TUT4: variants seen among roughly 807,000 people sequenced by gnomAD.
TUT4 encodes the protein terminal uridylyltransferase 4.
In TUT4, 36 loss-of-function variants were observed where a neutral mutation model predicts 192.2. That is an observed-to-expected ratio of 0.19 (90% CI 0.14 to 0.25). TUT4 has a LOEUF of 0.25. Among genes scored for constraint, TUT4 ranks in the 10% least tolerant of loss-of-function variants. TUT4 has a pLI of 1.00. For synonymous variants in TUT4, 618 were observed against 666.0 expected (o/e 0.93, Z 1.11); for missense variants, 1,493 against 1,957.2 (o/e 0.76, Z 4.47).
intron 9 of TUT4, among the ~76,000 whole-genome samples, chr1:52,482,179 T>C (rs935650759): frequency 6.6e-6 from 1 of 152,208 alleles, no homozygotes; most frequent in African/African-American, 2.4e-5. Context: ...TATTTTACTG[T>C]GGACACATTT....
At chr1:52,521,840 T>C (rs971890086) in intron 2 of TUT4, among the ~76,000 whole-genome samples, 5 of 151,770 alleles carry the variant, frequency 3.3e-5, no homozygotes, top group African/African-American at 1.2e-4. Flanking sequence ...GGCATGCACC[T>C]GTAAATCCCA....
chr1:52,544,287 C>CAA (rs34094471), intron 1 of TUT4, among the ~76,000 whole-genome samples: 13 of 102,996 alleles, frequency 1.3e-4, no homozygotes, highest in Admixed American at 5.2e-4. Context: ...GACTCCATTT[C>CAA]AAAAAAAAAA....
chr1:52,499,197 G>A (rs11205965), intron 4 of TUT4, among the ~76,000 whole-genome samples: 4,236 of 151,254 alleles, frequency 0.028, 138 homozygotes, highest in African/African-American at 0.079. Context: ...TCAGGAGTTC[G>A]AGACCAGACA....
intron 1 of TUT4, among the ~76,000 whole-genome samples, chr1:52,548,586 C>A (rs550040840): frequency 6.6e-6 from 1 of 152,228 alleles, no homozygotes; most frequent in East Asian, 1.9e-4. Flanking sequence ...GGACTTTTCC[C>A]ATCTATAAAT....
chr1:52,425,260 T>C, intron 29 of TUT4, 89 bp downstream of exon 29: 1 of 1,448,796 alleles, frequency 6.9e-7, no homozygotes, highest in South Asian at 1.4e-5. Context: ...TTCATGAATT[T>C]TCACTCCCAG....
intron 12 of TUT4, among the ~76,000 whole-genome samples, chr1:52,477,253 A>G (rs1570729990): frequency 6.6e-6 from 1 of 152,176 alleles, no homozygotes; most frequent in Admixed American, 6.5e-5. Flanking sequence ...CTATAAAACT[A>G]TAATAGACTT....
chr1:52,527,527 G>A lies in TUT4; in HGVS notation c.-93-1154C>T, dbSNP rs12090504. Among the ~76,000 whole-genome samples the A allele has an allele frequency of 8.4e-3, 1,276 of 152,168 alleles. 18 individuals carry two copies. The highest frequency in any genetic ancestry group is 0.029 in the African/African-American group (1,220 of 41,518). ...AGATCGCACCACTGCACTCCAGCCT[G>A]GGCCACAGAGTAAGACTCTGTCTCA... On this transcript the variant is annotated intron_variant, in intron 1 of 29. Coordinates refer to ENST00000257177, the MANE Select transcript of TUT4 (RefSeq NM_001009881.3).
chr1:52,476,433 C>T (rs982801202), intron 12 of TUT4, among the ~76,000 whole-genome samples: 1 of 152,102 alleles, frequency 6.6e-6, no homozygotes, highest in Admixed American at 6.6e-5. Context: ...CTGAAAATAT[C>T]TGTAAGCCTT....
At chr1:52,535,906 A>G (rs1684777700) in intron 1 of TUT4, among the ~76,000 whole-genome samples, 1 of 152,244 alleles carries the variant, frequency 6.6e-6, no homozygotes, top group Non-Finnish European at 1.5e-5. Context: ...TTCTCTAGCC[A>G]GTAAAACCGC....
intron 12 of TUT4, among the ~76,000 whole-genome samples, chr1:52,476,510 CT>C (rs1180798857): frequency 2.0e-5 from 3 of 152,140 alleles, no homozygotes; most frequent in East Asian, 3.9e-4. Context: ...CTCTCCACTA[CT>C]GAAGATCTTT....
chr1:52,521,144 C>T (rs1680161257), intron 2 of TUT4, among the ~76,000 whole-genome samples: 1 of 152,080 alleles, frequency 6.6e-6, no homozygotes, highest in Non-Finnish European at 1.5e-5. Flanking sequence ...TGTTTCATCC[C>T]ACTAGAAGAT....
chr1:52,510,911 A>G (rs906587677), intron 3 of TUT4, among the ~76,000 whole-genome samples: 1 of 152,244 alleles, frequency 6.6e-6, no homozygotes, highest in African/African-American at 2.4e-5. Context: ...ATAAAAAATT[A>G]CAAACACACA....
chr1:52,497,093 T>G lies in TUT4; in HGVS notation c.1090A>C (p.Lys364Gln), dbSNP rs1393843767. 2 of 1,613,950 alleles carry G rather than the reference T, an allele frequency of 1.2e-6. No individual in the cohort carries two copies. The highest frequency in any genetic ancestry group is 1.7e-6 in the Non-Finnish European group (2 of 1,179,956). The change falls in exon 5 of 30, where the codon AAA (lysine) becomes CAA (glutamine). Residue 364 changes from lysine to glutamine, a missense_variant. Around this residue, in one of 7 missense-constraint regions of TUT4, gnomAD observed 437 missense variants for 577.6 expected, o/e 0.76. Coordinates refer to ENST00000257177, the MANE Select transcript of TUT4 (RefSeq NM_001009881.3). ...TCATCATCTGTTATTCCATGTTCTT[T>G]TGCTAATTCAATGACTGCAACACTT... ...ALSVAVIELAKEHGITDDDLR... is the reference protein window; with the variant it reads ...ALSVAVIELAQEHGITDDDLR...
chr1:52,432,136 C>A (rs1652288709), intron 27 of TUT4: 1 of 152,188 alleles, frequency 6.6e-6, no homozygotes, highest in Non-Finnish European at 1.5e-5. Flanking sequence ...TAAGTAGACT[C>A]ACGCAGTTCA....
Position 52,495,441 on chromosome 1 carries a change from T to C in TUT4, c.1252A>G (p.Lys418Glu). The C allele has an allele frequency of 6.2e-7, 1 of 1,605,248 alleles. No individual in the cohort carries two copies. The highest frequency in any genetic ancestry group is 8.5e-7 in the Non-Finnish European group (1 of 1,174,524). Residue 418 changes from lysine (K) to glutamate (E), a missense_variant, in exon 6 of 30, where the codon AAA (lysine) becomes GAA (glutamate). Physicochemically the swap from Lys to Glu is moderately conservative, Grantham distance 56. This residue lies in a region of TUT4 where 437 missense variants were observed against 577.6 expected (regional missense o/e 0.76). Transcript: ENST00000257177. Reference protein sequence around the residue: ...LKSSDVNIDIKFPPKMNHPDL... With the variant: ...LKSSDVNIDIEFPPKMNHPDL... ...TAATTACTTACCTTGGGAGGAAATT[T>C]TATATCTATATTAACATCACTACTT...
At chr1:52,518,320 T>C (rs1266392079) in intron 2 of TUT4, among the ~76,000 whole-genome samples, 2 of 152,204 alleles carry the variant, frequency 1.3e-5, no homozygotes, top group East Asian at 3.8e-4. Flanking sequence ...ACAACAGAAA[T>C]TTATTTTCTC....
chr1:52,477,805 C>T lies in TUT4; in HGVS notation c.1926G>A (p.Leu642=). 4.3e-6 allele frequency: 7 copies of T among 1,613,978 alleles called. No individual in the cohort carries two copies. Among genetic ancestry groups the T allele is most frequent in the Non-Finnish European group, 5.9e-6 (7 of 1,179,962 alleles). The change falls in exon 12 of 30, where the codon CTG becomes CTA. Residue 642 remains leucine (L), a synonymous_variant. Coordinates refer to ENST00000257177, the MANE Select transcript of TUT4 (RefSeq NM_001009881.3). Reference sequence around the variant, plus strand: ...TGACATATTCCTCCAAAGCAAAATCCAGTGTGTAGAATTTAAGCAGCTCTA... The same window carrying T: ...TGACATATTCCTCCAAAGCAAAATCTAGTGTGTAGAATTTAAGCAGCTCTA... ...LWLELLKFYT[L]DFALEEYVIC... is the part of the protein sequence containing the mutation.
chr1:52,484,916 T>G (rs1446200297), intron 9 of TUT4, among the ~76,000 whole-genome samples: 1 of 152,256 alleles, frequency 6.6e-6, no homozygotes, highest in African/African-American at 2.4e-5. Context: ...AGTCTTTTCC[T>G]GACCATTCAG....
intron 20 of TUT4, among the ~76,000 whole-genome samples, chr1:52,452,739 A>G (rs1207172043): frequency 6.6e-6 from 1 of 152,190 alleles, no homozygotes; most frequent in Non-Finnish European, 1.5e-5. Flanking sequence ...CCTTTGTAAT[A>G]TCCCTTATAA....
Sources: allele counts gnomAD v4.1 joint callset (sites outside exome capture counted in the v4.1 genomes callset), GRCh38; gene constraint gnomAD v4.1.1; regional missense constraint gnomAD v4.1.1; transcripts MANE v1.5; gene names NCBI Gene and HGNC (gene_info 2026-07-23, HGNC 2026-07-21).